The following ZFPM1 variants were observed in gnomAD, a reference collection of about 807,000 sequenced individuals.
ZFPM1 encodes zinc finger protein, FOG family member 1.
A neutral mutation model predicts 46.3 loss-of-function variants in ZFPM1; 28 were observed. The ratio of observed to expected loss-of-function variants is 0.60; its 90% CI spans 0.45 to 0.83. The LOEUF (loss-of-function observed/expected upper bound fraction) is 0.83, where lower values mean the gene tolerates loss of function less well. Among genes scored for constraint, ZFPM1 ranks in the 40% least tolerant of loss-of-function variants. The pLI is 0.00. For synonymous variants in ZFPM1, 957 were observed against 675.9 expected (o/e 1.42, Z -6.45); for missense variants, 1,878 against 1,432.4 (o/e 1.31, Z -5.02).
chr16:88,505,606 G>A (rs914830350), intron 3 of ZFPM1, among the ~76,000 whole-genome samples: 5 of 152,184 alleles, frequency 3.3e-5, no homozygotes, highest in African/African-American at 1.2e-4. Flanking sequence ...GTCCTGGCAC[G>A]GTGCCATGTG....
At chr16:88,518,029 T>G (rs1911465801) in intron 4 of ZFPM1, among the ~76,000 whole-genome samples, 2 of 151,780 alleles carry the variant, frequency 1.3e-5, no homozygotes, top group South Asian at 4.2e-4. Flanking sequence ...GCTAACATGG[T>G]GAAACCCCGT....
rs1327549579 is a variant in ZFPM1, at chr16:88,534,325, C to G, written c.2367C>G (p.Pro789=). The change falls in exon 10 of 10, where the codon CCC becomes CCG. Residue 789 remains proline, a synonymous_variant. Transcript: ENST00000319555. ...TCGCCCCTGCGCGCTCGCCCGGCCCCGCGGCCGACGGCCCCATCGACCTGA... is the reference window on the plus strand; with the variant it reads ...TCGCCCCTGCGCGCTCGCCCGGCCCGGCGGCCGACGGCCCCATCGACCTGA... ...PGLAPARSPG[P]AADGPIDLSK... 11 of 1,343,768 alleles carry G rather than the reference C, an allele frequency of 8.2e-6. No homozygotes were observed. In the East Asian group the frequency reaches 1.3e-4, roughly 16 times the overall value. The allele number at this position is 1,343,768 out of a possible 1,614,324, so 83.2% of individuals were successfully genotyped here.
chr16:88,453,992 G>A (rs1217020340), intron 1 of ZFPM1, among the ~76,000 whole-genome samples: 1 of 152,182 alleles, frequency 6.6e-6, no homozygotes, highest in African/African-American at 2.4e-5. Context: ...TCTGCGAGAT[G>A]GTGCGGCGAT....
At chr16:88,464,212 G>A (rs1908023048) in intron 1 of ZFPM1, among the ~76,000 whole-genome samples, 2 of 152,178 alleles carry the variant, frequency 1.3e-5, no homozygotes, top group Non-Finnish European at 1.5e-5. Flanking sequence ...AGGGTGCACT[G>A]AGCACACCTG....
Position 88,534,352 on chromosome 16 carries a change from C to A in ZFPM1, c.2394C>A (p.Ser798Arg). 7.1e-7 allele frequency: 1 copy of A among 1,418,038 alleles called. No individual in the cohort carries two copies. Among genetic ancestry groups the A allele is most frequent in the Non-Finnish European group, 9.2e-7 (1 of 1,089,002 alleles). The allele number at this position is 1,418,038 out of a possible 1,614,324, so 87.8% of individuals were successfully genotyped here. A position where few individuals can be genotyped will look rare whatever the true frequency, so the allele number is the denominator to read the frequency against. The change falls in exon 10 of 10, where the codon AGC (serine) becomes AGA (arginine). Residue 798 changes from serine (S) to arginine (R), a missense_variant. Coordinates refer to ENST00000319555, the MANE Select transcript of ZFPM1 (RefSeq NM_153813.3). Reference sequence around the variant, plus strand: ...CGGCCGACGGCCCCATCGACCTGAGCAAGAAGCCGCGGCGCCCGCTCCCCG... The same window carrying A: ...CGGCCGACGGCCCCATCGACCTGAGAAAGAAGCCGCGGCGCCCGCTCCCCG... The part of the protein sequence containing the change: ...GPAADGPIDL[S>R]KKPRRPLPGA...
chr16:88,474,286 A>G lies in ZFPM1; in HGVS notation c.41-11653A>G, dbSNP rs61511948. Among the ~76,000 whole-genome samples, 163 of 152,252 alleles carry G rather than the reference A, an allele frequency of 1.1e-3. 1 individual carries two copies. The highest frequency in any genetic ancestry group is 3.6e-3 in the African/African-American group (150 of 41,554). ...CAGCCCACTGGCCCTGGCTCCAGAGAAGGGGCAGGCTCAGGGCAGGGGGAG... is the reference window on the plus strand; with the variant it reads ...CAGCCCACTGGCCCTGGCTCCAGAGGAGGGGCAGGCTCAGGGCAGGGGGAG... On this transcript the variant is annotated intron_variant, in intron 1 of 9. Transcript: ENST00000319555.
rs545009645 is a variant in ZFPM1 at position 88,465,391 on chromosome 16, G to C, written c.40+11713G>C. On this transcript the variant is annotated intron_variant, in intron 1 of 9. Coordinates refer to ENST00000319555, the MANE Select transcript of ZFPM1 (RefSeq NM_153813.3). ...GCCTGGTGGTGGGCAAAGGGTGGAG[G>C]AAAAGCCAGAAGTCTGGGCCTGGCT... Among the ~76,000 whole-genome samples the C allele has an allele frequency of 5.3e-5, 8 of 152,380 alleles. No homozygotes were observed. The South Asian group carries it at 1.7e-3, about 32-fold the overall frequency.
At chr16:88,460,917 A>AGGGGT (rs1907794198) in intron 1 of ZFPM1, among the ~76,000 whole-genome samples, 2 of 36,862 alleles carry the variant, frequency 5.4e-5, no homozygotes, top group African/African-American at 1.9e-4. Context: ...GTGAGGACCG[A>AGGGGT]GGGGCGGGGC....
rs945812302 is a variant in ZFPM1 at position 88,471,967 on chromosome 16, G to A, written c.41-13972G>A. ...GGGGCCGTGTGGTCTGCAGGGAGTG[G>A]AGCCAGAAGCCTGGGCCTCCCCGGT... On this transcript the variant is annotated intron_variant, in intron 1 of 9. Transcript: ENST00000319555. The surrounding 1 kb of genome is among the most constrained non-coding windows in gnomAD (Gnocchi z 4.1). Among the ~76,000 whole-genome samples the A allele has an allele frequency of 4.6e-5, 7 of 152,366 alleles. No homozygotes were observed. The highest frequency in any genetic ancestry group is 1.4e-4 in the African/African-American group (6 of 41,594).
chr16:88,508,346 T>A (rs1267893454), intron 3 of ZFPM1, among the ~76,000 whole-genome samples: 5 of 152,076 alleles, frequency 3.3e-5, no homozygotes, highest in African/African-American at 1.2e-4. Flanking sequence ...TCGTCCCCCA[T>A]GCATTTCTCA....
intron 3 of ZFPM1, among the ~76,000 whole-genome samples, chr16:88,494,800 C>T (rs750252896): frequency 8.2e-4 from 124 of 152,080 alleles, no homozygotes; most frequent in Non-Finnish European, 1.5e-3. Flanking sequence ...GGGGTCTGAG[C>T]GTGATCCCAG....
chr16:88,485,960 C>T lies in ZFPM1; in HGVS notation c.62C>T (p.Ala21Val). ...ACAGGTTCCCTCGGAGACATGGAGG[C>T]CAGAGAGGAGGTGCAGTTGGTGGGT... ...QIKRSLGDME[A>V]REEVQLVGAS... The change falls in exon 2 of 10, where the codon GCC becomes GTC. Residue 21 changes from alanine (A) to valine (V), a missense_variant. Transcript: ENST00000319555. 5 of 1,612,864 alleles carry T rather than the reference C, an allele frequency of 3.1e-6. No homozygotes were observed. The highest frequency in any genetic ancestry group is 4.2e-6 in the Non-Finnish European group (5 of 1,179,858).
chr16:88,478,242 G>C (rs143295356), intron 1 of ZFPM1, among the ~76,000 whole-genome samples: 1 of 152,232 alleles, frequency 6.6e-6, no homozygotes, highest in African/African-American at 2.4e-5. Context: ...GTTCAGCCAC[G>C]TGCTCCTGCG....
At chr16:88,495,410 T>C (rs562388006) in intron 3 of ZFPM1, among the ~76,000 whole-genome samples, 3 of 152,358 alleles carry the variant, frequency 2.0e-5, no homozygotes, top group Admixed American at 6.5e-5. Context: ...GGAAAGCTTC[T>C]CGCCCAGGGC....
intron 2 of ZFPM1, among the ~76,000 whole-genome samples, chr16:88,488,666 A>G (rs1909379306): frequency 6.6e-6 from 1 of 152,028 alleles, no homozygotes; most frequent in Admixed American, 6.5e-5. Flanking sequence ...TTGGGCTGGA[A>G]TCGGTGCAGG....
chr16:88,484,964 G>T (rs1020679634), intron 1 of ZFPM1, among the ~76,000 whole-genome samples: 3 of 152,210 alleles, frequency 2.0e-5, no homozygotes, highest in African/African-American at 7.2e-5. Context: ...CAGGCCCTGA[G>T]GCACTCCACC....
chr16:88,464,373 C>T (rs1210062304), intron 1 of ZFPM1, among the ~76,000 whole-genome samples: 1 of 152,240 alleles, frequency 6.6e-6, no homozygotes, highest in Non-Finnish European at 1.5e-5. Flanking sequence ...ACGGGACACC[C>T]TGCAAGTCCC....
At chr16:88,465,664 T>C (rs1036812402) in intron 1 of ZFPM1, among the ~76,000 whole-genome samples, 1 of 152,172 alleles carries the variant, frequency 6.6e-6, no homozygotes, top group Non-Finnish European at 1.5e-5. Flanking sequence ...GGGGCTTGCC[T>C]GCATTGAGAA....
At chr16:88,485,429 A>G (rs12927479) in intron 1 of ZFPM1, among the ~76,000 whole-genome samples, 72,749 of 150,300 alleles carry the variant, frequency 0.48, 19,064 homozygotes, top group African/African-American at 0.7. Context: ...GTTCGTCAAG[A>G]ATCATCAGGT....
Sources: gnomAD v4.1 joint callset for allele counts (sites outside exome capture counted in the v4.1 genomes callset) on GRCh38, gnomAD v4.1.1 for gene constraint, Gnocchi (gnomAD v3.1) non-coding constraint, MANE v1.5 for transcripts, NCBI Gene and HGNC (gene_info 2026-07-23, HGNC 2026-07-21) for gene names.